The following ARID5B variants were observed in gnomAD, a reference collection of about 807,000 sequenced individuals.
ARID5B encodes AT-rich interaction domain 5B, also known as AT-rich interactive domain-containing protein 5B.
ARID5B carries 13 observed loss-of-function variants against 97.2 expected under a neutral mutation model. That is an observed-to-expected ratio of 0.13 (90% CI 0.09 to 0.21). ARID5B has a LOEUF of 0.21. ARID5B is among the 10% of genes least tolerant of loss of function. The pLI is 1.00. For synonymous variants in ARID5B, 556 were observed against 570.3 expected (o/e 0.97, Z 0.36); for missense variants, 1,210 against 1,465.3 (o/e 0.83, Z 2.84).
At chr10:61,920,878 G>A (rs762372959) in intron 2 of ARID5B, among the ~76,000 whole-genome samples, 2 of 152,184 alleles carry the variant, frequency 1.3e-5, no homozygotes, top group African/African-American at 2.4e-5. Flanking sequence ...AGCCATACTT[G>A]GCAAGATTAT....
intron 8 of ARID5B, among the ~76,000 whole-genome samples, chr10:62,073,082 A>G (rs1840086015): frequency 6.6e-6 from 1 of 152,250 alleles, no homozygotes; most frequent in South Asian, 2.1e-4. Flanking sequence ...GCAAATATCT[A>G]GTCTGGAAAT....
intron 4 of ARID5B, among the ~76,000 whole-genome samples, chr10:62,002,240 A>C (rs1004012664): frequency 2.6e-5 from 4 of 152,244 alleles, no homozygotes; most frequent in Non-Finnish European, 5.9e-5. Flanking sequence ...TTTAACAGCG[A>C]TCACAATGGT....
At chr10:61,988,475 TTCACCA>T (rs1205336971) in intron 3 of ARID5B, among the ~76,000 whole-genome samples, 1 of 152,198 alleles carries the variant, frequency 6.6e-6, no homozygotes, top group African/African-American at 2.4e-5. Context: ...ATTTTTGTTA[TTCACCA>T]GAAACCAAAG....
chr10:62,013,652 T>C (rs1451518194), intron 4 of ARID5B, among the ~76,000 whole-genome samples: 1 of 152,046 alleles, frequency 6.6e-6, no homozygotes, highest in Non-Finnish European at 1.5e-5. Context: ...TTTTAGATGC[T>C]ACATGTAAGT....
chr10:62,063,574 A>G (rs1318513664), intron 7 of ARID5B, among the ~76,000 whole-genome samples: 1 of 151,862 alleles, frequency 6.6e-6, no homozygotes, highest in African/African-American at 2.4e-5. Flanking sequence ...ACTAATGGCT[A>G]TATGCAGTTC....
intron 2 of ARID5B, among the ~76,000 whole-genome samples, chr10:61,922,033 G>T (rs189311688): frequency 6.6e-6 from 1 of 152,162 alleles, no homozygotes; most frequent in African/African-American, 2.4e-5. Flanking sequence ...CTCCTTGGAT[G>T]GTTCCTCCCA....
At chr10:61,984,654 T>C (rs1393421214) in intron 3 of ARID5B, among the ~76,000 whole-genome samples, 2 of 152,198 alleles carry the variant, frequency 1.3e-5, no homozygotes, top group African/African-American at 4.8e-5. Flanking sequence ...CTTGCTGGAA[T>C]GGAGAGTAGG....
chr10:61,942,479 C>T (rs1048415154), intron 3 of ARID5B, among the ~76,000 whole-genome samples: 13 of 152,150 alleles, frequency 8.5e-5, no homozygotes, highest in African/African-American at 3.1e-4. Context: ...TAAGGAAAGG[C>T]CAATGAATGT....
chr10:61,940,239 G>C lies in ARID5B; in HGVS notation c.333G>C (p.Lys111Asn), dbSNP rs75646870. 1.0e-4 allele frequency: 168 copies of C among 1,614,196 alleles called. 1 individual carries two copies. The East Asian group carries it at 3.7e-3, about 36-fold the overall frequency. The change falls in exon 3 of 10, where the codon AAG becomes AAC. Residue 111 changes from lysine (K) to asparagine (N), a missense_variant. Physicochemically the swap from Lys to Asn is moderately conservative, Grantham distance 94. Around this residue, in one of 8 missense-constraint regions of ARID5B, gnomAD observed 80 missense variants for 133.2 expected, o/e 0.60. Coordinates refer to ENST00000279873, the MANE Select transcript of ARID5B (RefSeq NM_032199.3). ...TTGTGAAGCTTGAAGACCTGGTCAAGTGGGTACATTCTGATTTCTCCAAGT... is the reference window on the plus strand; with the variant it reads ...TTGTGAAGCTTGAAGACCTGGTCAACTGGGTACATTCTGATTTCTCCAAGT... ...KVIVKLEDLV[K>N]WVHSDFSKWR...
At chr10:61,915,519 C>T (rs1843885601) in intron 2 of ARID5B, among the ~76,000 whole-genome samples, 1 of 152,152 alleles carries the variant, frequency 6.6e-6, no homozygotes, top group Admixed American at 6.6e-5. Flanking sequence ...CACTACCTCC[C>T]TGCAGAATGG....
At chr10:61,933,063 C>T (rs1184535112) in intron 2 of ARID5B, among the ~76,000 whole-genome samples, 1 of 152,116 alleles carries the variant, frequency 6.6e-6, no homozygotes, top group Non-Finnish European at 1.5e-5. Context: ...AGAGCCAGAC[C>T]CAACTCAAAA....
intron 3 of ARID5B, among the ~76,000 whole-genome samples, chr10:61,991,639 A>G (rs1425004110): frequency 1.3e-5 from 2 of 152,106 alleles, no homozygotes; most frequent in South Asian, 2.1e-4. Context: ...CACTTTATTG[A>G]TAGTGTCCAT....
intron 4 of ARID5B, among the ~76,000 whole-genome samples, chr10:62,039,926 G>A (rs1217201100): frequency 6.6e-6 from 1 of 152,222 alleles, no homozygotes; most frequent in African/African-American, 2.4e-5. Flanking sequence ...CAGATGAAAT[G>A]TCCAAAAAGT....
Position 61,997,827 on chromosome 10 carries a change from G to A in ARID5B, c.503-2264G>A, listed in dbSNP as rs10994998. Among the ~76,000 whole-genome samples the A allele has an allele frequency of 1.1e-3, 169 of 152,254 alleles. 5 individuals are homozygous for A. The East Asian group carries it at 0.03, about 27-fold the overall frequency. Reference sequence around the variant, plus strand: ...ACTTAAAAACTCTGGAGAAACGACCGCATTTGAATATTTTCACTAAAACTT... The same window carrying A: ...ACTTAAAAACTCTGGAGAAACGACCACATTTGAATATTTTCACTAAAACTT... On this transcript the variant is annotated intron_variant, in intron 3 of 9. Coordinates refer to ENST00000279873, the MANE Select transcript of ARID5B (RefSeq NM_032199.3).
chr10:62,032,948 T>C (rs935599492), intron 4 of ARID5B, among the ~76,000 whole-genome samples: 4 of 152,176 alleles, frequency 2.6e-5, no homozygotes, highest in African/African-American at 9.7e-5. Context: ...AATAGGAATG[T>C]TCTACTGAAA....
At chr10:61,958,978 G>A (rs1476587940) in intron 3 of ARID5B, among the ~76,000 whole-genome samples, 2 of 152,136 alleles carry the variant, frequency 1.3e-5, no homozygotes, top group Non-Finnish European at 2.9e-5. Context: ...GACTGTCCAG[G>A]CCTACAAATG....
At chr10:61,914,675 A>G (rs1843868172) in intron 2 of ARID5B, among the ~76,000 whole-genome samples, 1 of 151,894 alleles carries the variant, frequency 6.6e-6, no homozygotes, top group South Asian at 2.1e-4. Context: ...CAAAGTCACA[A>G]CATTTTCCAT....
chr10:62,066,266 A>G (rs566187204), intron 7 of ARID5B, among the ~76,000 whole-genome samples: 1 of 152,308 alleles, frequency 6.6e-6, no homozygotes, highest in East Asian at 1.9e-4. Context: ...GGGAGAATTT[A>G]GACATTTCTT....
intron 8 of ARID5B, among the ~76,000 whole-genome samples, chr10:62,083,313 G>GAAAAAAAAAAAAAAAAAAAAAAAAAAAA (rs35831175): frequency 7.8e-6 from 1 of 128,830 alleles, no homozygotes; most frequent in Non-Finnish European, 1.6e-5. Context: ...AAGAAAAAAT[G>GAAAAAAAAAAAAAAAAAAAAAAAAAAAA]AAAAAAAAAA....
Sources: gnomAD v4.1 joint callset for allele counts (sites outside exome capture counted in the v4.1 genomes callset) on GRCh38, gnomAD v4.1.1 for gene constraint, gnomAD v4.1.1 regional missense constraint, MANE v1.5 for transcripts, NCBI Gene and HGNC (gene_info 2026-07-23, HGNC 2026-07-21) for gene names.